Variants in MYO3B observed in about 807,000 individuals in gnomAD.
MYO3B encodes myosin IIIB.
MYO3B carries 156 observed loss-of-function variants against 174.6 expected under a neutral mutation model. The observed-to-expected ratio is 0.89, with a 90% CI of 0.78 to 1.02. MYO3B has a LOEUF of 1.02. Ranked by LOEUF, MYO3B falls within the 50% of genes least tolerant of loss-of-function variation. MYO3B has a pLI of 0.00. For missense variants in MYO3B, 1,632 were observed against 1,639.4 expected (o/e 1.00, Z 0.08); for synonymous variants, 563 against 569.1 (o/e 0.99, Z 0.15).
In MYO3B at chr2:170,217,373, C is replaced by T. The variant is rs2092841798; in HGVS notation, c.581C>T (p.Thr194Ile). Residue 194 changes from threonine (T) to isoleucine (I), a missense_variant, in exon 6 of 35, where the codon ACC (threonine) becomes ATC (isoleucine). Physicochemically the swap from Thr to Ile is moderately conservative, Grantham distance 89 (BLOSUM62 -1). Coordinates refer to ENST00000408978, the MANE Select transcript of MYO3B (RefSeq NM_138995.5). The part of the protein sequence containing the change: ...TRLRRNTSVG[T>I]PFWMAPEVIA... ...CTGCGGAGAAACACATCTGTTGGCACCCCGTTCTGGATGGCCCCTGAGGTA... is the reference window on the plus strand; with the variant it reads ...CTGCGGAGAAACACATCTGTTGGCATCCCGTTCTGGATGGCCCCTGAGGTA... The T allele has an allele frequency of 1.2e-6, 2 of 1,613,900 alleles. No individual in the cohort carries two copies. The highest frequency in any genetic ancestry group is 1.7e-5 in the Admixed American group (1 of 60,008).
At chr2:170,518,704 C>T (rs1688473333) in intron 29 of MYO3B, among the ~76,000 whole-genome samples, 1 of 152,182 alleles carries the variant, frequency 6.6e-6, no homozygotes, top group Non-Finnish European at 1.5e-5. Context: ...CAGACCCTAC[C>T]TGCAGAGTCT....
intron 3 of MYO3B, among the ~76,000 whole-genome samples, chr2:170,207,414 G>A (rs1319676772): frequency 6.6e-6 from 1 of 152,132 alleles, no homozygotes; most frequent in Non-Finnish European, 1.5e-5. Flanking sequence ...GGCAGGGGGT[G>A]GGGATAGCTC....
chr2:170,605,752 C>G (rs62168212), intron 32 of MYO3B, among the ~76,000 whole-genome samples: 1 of 151,942 alleles, frequency 6.6e-6, no homozygotes, highest in African/African-American at 2.4e-5. Context: ...CCCAGCTACT[C>G]GGGAGGTTGA....
chr2:170,478,522 T>TACAC (rs60349340), intron 25 of MYO3B, among the ~76,000 whole-genome samples: 1,382 of 126,082 alleles, frequency 0.011, 17 homozygotes, highest in African/African-American at 0.032. Flanking sequence ...GGTGTTATTG[T>TACAC]ACACACACAC....
intron 24 of MYO3B, among the ~76,000 whole-genome samples, chr2:170,463,743 A>T (rs1380750157): frequency 6.6e-6 from 1 of 152,204 alleles, no homozygotes; most frequent in Non-Finnish European, 1.5e-5. Context: ...AAGGTGGCTT[A>T]TAAGTTCAGA....
intron 25 of MYO3B, among the ~76,000 whole-genome samples, chr2:170,474,645 A>G (rs1387237663): frequency 1.4e-5 from 2 of 147,490 alleles, no homozygotes; most frequent in African/African-American, 5.0e-5. Flanking sequence ...TGGGAGGTTG[A>G]GGCAGGAGAA....
chr2:170,319,907 T>A (rs2093803102), intron 7 of MYO3B, among the ~76,000 whole-genome samples: 1 of 152,148 alleles, frequency 6.6e-6, no homozygotes, highest in African/African-American at 2.4e-5. Context: ...CAACCAGGAA[T>A]TTTTTATGTA....
chr2:170,632,105 C>A lies in MYO3B; in HGVS notation c.3734-19523C>A, dbSNP rs533756226. Reference sequence around the variant, plus strand: ...AGAAGATTAACACGGATATCCAGGACTTGAACTCAGCTCTGCACCAAGCAG... The same window carrying A: ...AGAAGATTAACACGGATATCCAGGAATTGAACTCAGCTCTGCACCAAGCAG... On this transcript the variant is annotated intron_variant, in intron 32 of 34. Transcript: ENST00000408978. Among the ~76,000 whole-genome samples the A allele has an allele frequency of 5.9e-5, 9 of 152,240 alleles. No individual in the cohort carries two copies. In the East Asian group the frequency reaches 1.4e-3, roughly 23 times the overall value.
intron 9 of MYO3B, among the ~76,000 whole-genome samples, chr2:170,375,543 G>A (rs1404675734): frequency 1.3e-5 from 2 of 151,064 alleles, no homozygotes; most frequent in Non-Finnish European, 3.0e-5. Context: ...TTAATGGGTT[G>A]TCATGTCGCC....
At chr2:170,466,459 T>G in intron 24 of MYO3B, 47 bp from the exon 25 acceptor site, 8 of 1,564,956 alleles carry the variant, frequency 5.1e-6, no homozygotes, top group African/African-American at 1.3e-5. Context: ...TAACTATCCA[T>G]TGTGTTGGTG....
At position 170,206,736 on chromosome 2, in the gene MYO3B, C is replaced by T. The variant is rs114430491; in HGVS notation, c.321+6452C>T. Among the ~76,000 whole-genome samples the T allele has an allele frequency of 1.3e-5, 2 of 152,072 alleles. No individual in the cohort carries two copies. Among genetic ancestry groups the T allele is most frequent in the African/African-American group, 4.8e-5 (2 of 41,392 alleles). On this transcript the variant is annotated intron_variant, in intron 3 of 34. Coordinates refer to ENST00000408978, the MANE Select transcript of MYO3B (RefSeq NM_138995.5). This position sits in a 1 kb window ranked among gnomAD's most constrained non-coding sequence, Gnocchi z 4.3. ...CTCTCCCTCTTCCCTCTCCCTTTTC[C>T]CTGGGTGGCATCTGGATCTGGGTAC...
chr2:170,467,555 C>G (rs543707877), intron 25 of MYO3B, among the ~76,000 whole-genome samples: 1 of 152,004 alleles, frequency 6.6e-6, no homozygotes, highest in East Asian at 1.9e-4. Flanking sequence ...CTGAGAAGCA[C>G]TGCTGTCTGA....
chr2:170,294,773 T>TGTTCAATGTACAACACC (rs1387938491), intron 7 of MYO3B, among the ~76,000 whole-genome samples: 2 of 152,282 alleles, frequency 1.3e-5, no homozygotes, highest in East Asian at 3.9e-4. Context: ...GATTGAACTT[T>TGTTCAATGTACAACACC]AAGATAAACT....
intron 22 of MYO3B, among the ~76,000 whole-genome samples, chr2:170,413,676 T>A (rs1256356349): frequency 6.6e-6 from 1 of 152,200 alleles, no homozygotes; most frequent in East Asian, 1.9e-4. Flanking sequence ...CTGTATAAAA[T>A]GTAAGGTTAA....
At chr2:170,505,184 G>GGGGGAGA (rs1048147152) in intron 28 of MYO3B, among the ~76,000 whole-genome samples, 14 of 152,100 alleles carry the variant, frequency 9.2e-5, no homozygotes, top group East Asian at 1.9e-4. Flanking sequence ...TGAGATGTAG[G>GGGGGAGA]GGGGAGAGGG....
chr2:170,595,063 A>G (rs1056287372), intron 32 of MYO3B, among the ~76,000 whole-genome samples: 1 of 152,170 alleles, frequency 6.6e-6, no homozygotes, highest in Non-Finnish European at 1.5e-5. Flanking sequence ...CCTGATGATC[A>G]CATCTGGCTC....
chr2:170,355,673 T>C (rs2105619906), intron 8 of MYO3B, among the ~76,000 whole-genome samples: 1 of 152,326 alleles, frequency 6.6e-6, no homozygotes, highest in Admixed American at 6.5e-5. Context: ...TACTTTTGAT[T>C]CATGGGCTCA....
At chr2:170,628,385 G>A (rs543756244) in intron 32 of MYO3B, among the ~76,000 whole-genome samples, 30 of 152,344 alleles carry the variant, frequency 2.0e-4, no homozygotes, top group African/African-American at 7.0e-4. Context: ...TGTTTGCTAA[G>A]ACCGTTGGAA....
At chr2:170,243,109 A>G (rs1188179515) in intron 7 of MYO3B, among the ~76,000 whole-genome samples, 1 of 152,224 alleles carries the variant, frequency 6.6e-6, no homozygotes, top group East Asian at 1.9e-4. Context: ...GTGGTCCAGC[A>G]TGGTTGTTTG....
Sources: allele counts gnomAD v4.1 joint callset (sites outside exome capture counted in the v4.1 genomes callset), GRCh38; gene constraint gnomAD v4.1.1; non-coding constraint Gnocchi (gnomAD v3.1); transcripts MANE v1.5; gene names NCBI Gene and HGNC (gene_info 2026-07-23, HGNC 2026-07-21).